PCDHA12: variants seen among roughly 807,000 people sequenced by gnomAD.
PCDHA12 encodes protocadherin alpha-12.
PCDHA12 carries 44 observed loss-of-function variants against 60.0 expected under a neutral mutation model. The observed-to-expected ratio is 0.73, with a 90% CI of 0.58 to 0.94. The LOEUF is 0.94. PCDHA12 is among the 40% of genes least tolerant of loss of function. The probability of loss-of-function intolerance (pLI) is 0.00; values close to 1 mark genes in which losing one functional copy is unlikely to be tolerated. For synonymous variants in PCDHA12, 569 were observed against 553.0 expected, an observed-to-expected ratio of 1.03 and a Z score of -0.40; for missense variants, 1,276 against 1,239.7, an observed-to-expected ratio of 1.03 and a Z score of -0.44.
chr5:140,951,667 C>A (rs180768474), intron 1 of PCDHA12, among the ~76,000 whole-genome samples: 10 of 152,274 alleles, frequency 6.6e-5, no homozygotes, highest in African/African-American at 2.4e-4. Context: ...GGCCTGCCTA[C>A]AAAATTGGGG....
At chr5:140,976,518 A>G (rs2096720750) in intron 1 of PCDHA12, among the ~76,000 whole-genome samples, 1 of 152,070 alleles carries the variant, frequency 6.6e-6, no homozygotes, top group Admixed American at 6.6e-5. Flanking sequence ...GCCACTGCAC[A>G]CCAGCCTAAA....
intron 1 of PCDHA12, chr5:140,884,678 A>T (rs781881057): frequency 1.0e-5 from 16 of 1,553,210 alleles, no homozygotes; most frequent in South Asian, 4.9e-5. Context: ...CTTATATTTT[A>T]AAAAATTGTC....
chr5:140,953,467 C>T (rs952334269), intron 1 of PCDHA12, among the ~76,000 whole-genome samples: 1 of 152,090 alleles, frequency 6.6e-6, no homozygotes, highest in African/African-American at 2.4e-5. Context: ...AGAGTTTTAA[C>T]TTCCTCATGC....
At chr5:140,915,841 G>A (rs1315300132) in intron 1 of PCDHA12, among the ~76,000 whole-genome samples, 1 of 152,098 alleles carries the variant, frequency 6.6e-6, no homozygotes, top group African/African-American at 2.4e-5. Context: ...GATCAGCAGG[G>A]GGTGACACCA....
chr5:140,944,242 C>T (rs969404044), intron 1 of PCDHA12, among the ~76,000 whole-genome samples: 1 of 152,172 alleles, frequency 6.6e-6, no homozygotes, highest in African/African-American at 2.4e-5. Flanking sequence ...GGCTGGAGTG[C>T]AGTGATGTGA....
rs782247870 is a variant in PCDHA12, at chr5:140,876,920, A to G, written c.1448A>G (p.Asp483Gly). ...HIFTVSAWDA[D>G]AQKNALVSYS... ...TTCACGGTGTCGGCATGGGACGCGG[A>G]CGCGCAGAAGAACGCGCTGGTGTCC... The change falls in exon 1 of 4, where the codon GAC becomes GGC. Residue 483 changes from aspartate (D) to glycine (G), a missense_variant. Coordinates refer to ENST00000398631, the MANE Select transcript of PCDHA12 (RefSeq NM_018903.4). 1 of 1,613,928 alleles carries G rather than the reference A, an allele frequency of 6.2e-7. No homozygotes were observed. The highest frequency in any genetic ancestry group is 8.5e-7 in the Non-Finnish European group (1 of 1,179,920).
intron 1 of PCDHA12, among the ~76,000 whole-genome samples, chr5:140,898,180 G>T (rs1216288813): frequency 6.6e-6 from 1 of 152,128 alleles, no homozygotes; most frequent in Non-Finnish European, 1.5e-5. Context: ...CTGTGCAGAA[G>T]CTCTTTAGTT....
chr5:141,001,842 A>G (rs574186951), intron 3 of PCDHA12, among the ~76,000 whole-genome samples: 108 of 152,288 alleles, frequency 7.1e-4, no homozygotes, highest in Non-Finnish European at 1.3e-3. Context: ...GGAGACAGAG[A>G]GAGAGGTTGA....
In PCDHA12 at chr5:140,877,342, G is replaced by A. The variant is rs1462091033; in HGVS notation, c.1870G>A (p.Val624Met). The change falls in exon 1 of 4, where the codon GTG (valine) becomes ATG (methionine). Residue 624 changes from valine (V) to methionine (M), a missense_variant. Physicochemically the swap from Val to Met is conservative, Grantham distance 21. Coordinates refer to ENST00000398631, the MANE Select transcript of PCDHA12 (RefSeq NM_018903.4). ...GGTCGGCGCGCACATCCCGTTCCACGTGGGGCTGTACACTGGCGAGATCAG... is the reference window on the plus strand; with the variant it reads ...GGTCGGCGCGCACATCCCGTTCCACATGGGGCTGTACACTGGCGAGATCAG... The part of the protein sequence containing the change: ...AAVGAHIPFH[V>M]GLYTGEISTT... 5 of 1,613,904 alleles carry A rather than the reference G, an allele frequency of 3.1e-6. No individual in the cohort carries two copies. The African/African-American group carries it at 6.7e-5, about 22-fold the overall frequency.
intron 3 of PCDHA12, among the ~76,000 whole-genome samples, chr5:140,998,827 G>T (rs2097835809): frequency 6.6e-6 from 1 of 152,226 alleles, no homozygotes; most frequent in South Asian, 2.1e-4. Context: ...GCCTCCCAAA[G>T]TGCTGGATTA....
chr5:140,982,582 T>C lies in PCDHA12; in HGVS notation c.2515+19T>C. On this transcript the variant is annotated intron_variant, in intron 3 of 3. Transcript: ENST00000398631. ...ACACCAGGTAAAGAGCTGGGGTCTC[T>C]CCATTCTTTCTTGGTTTCTGGAAAG... 6.2e-7 allele frequency: 1 copy of C among 1,612,148 alleles called. No homozygotes were observed. Among genetic ancestry groups the C allele is most frequent in the Non-Finnish European group, 8.5e-7 (1 of 1,178,720 alleles).
chr5:140,965,374 G>A (rs1554227648), intron 1 of PCDHA12, among the ~76,000 whole-genome samples: 1 of 152,098 alleles, frequency 6.6e-6, no homozygotes, highest in Admixed American at 6.6e-5. Flanking sequence ...AGGAAACTTG[G>A]GGACACAGAA....
In PCDHA12 at chr5:140,877,435, G is replaced by A. The variant is rs1354877569; in HGVS notation, c.1963G>A (p.Gly655Ser). The A allele has an allele frequency of 6.2e-7, 1 of 1,613,736 alleles. No homozygotes were observed. The highest frequency in any genetic ancestry group is 1.3e-5 in the African/African-American group (1 of 74,918). Residue 655 changes from glycine to serine, a missense_variant, in exon 1 of 4, where the codon GGT becomes AGT. Physicochemically the swap from Gly to Ser is moderately conservative, Grantham distance 56. Coordinates refer to ENST00000398631, the MANE Select transcript of PCDHA12 (RefSeq NM_018903.4). ...CCTGCTGGTGCTGGTGAAGGACCAC[G>A]GTGAGCCCGCGCTGACGTCCACGGC... Reference protein sequence around the residue: ...HRLLVLVKDHGEPALTSTATV... With the variant: ...HRLLVLVKDHSEPALTSTATV...
At chr5:140,986,213 C>T (rs1554247816) in intron 3 of PCDHA12, among the ~76,000 whole-genome samples, 2 of 152,208 alleles carry the variant, frequency 1.3e-5, no homozygotes, top group Non-Finnish European at 2.9e-5. Context: ...TTACTGGCCC[C>T]TTTCTCTAGC....
chr5:140,974,661 G>A (rs542677478), intron 1 of PCDHA12, among the ~76,000 whole-genome samples: 4 of 152,066 alleles, frequency 2.6e-5, no homozygotes, highest in South Asian at 4.2e-4. Context: ...ACAGGCATGC[G>A]CCACCATGCC....
intron 3 of PCDHA12, 60 bp from the exon 4 acceptor site, chr5:141,009,567 A>T: frequency 6.3e-7 from 1 of 1,575,430 alleles, no homozygotes; most frequent in Admixed American, 1.8e-5. Flanking sequence ...CTCTACCAGC[A>T]GTGTGGCATC....
At chr5:140,943,070 A>G (rs2093413648) in intron 1 of PCDHA12, among the ~76,000 whole-genome samples, 2 of 152,004 alleles carry the variant, frequency 1.3e-5, no homozygotes, top group Non-Finnish European at 2.9e-5. Context: ...CAGCCTGACC[A>G]ACATGGTGAA....
rs2153592349 is a variant in PCDHA12 at position 140,927,874 on chromosome 5, G to A, written c.2367+50035G>A. 1.9e-6 allele frequency: 3 copies of A among 1,614,102 alleles called. No individual in the cohort carries two copies. The East Asian group carries it at 6.7e-5, about 36-fold the overall frequency. Reference sequence around the variant, plus strand: ...TTTAGCTAGCACCGCTAAACTGCTGGTGGAGGTGACTGACGTGAACGATCA... The same window carrying A: ...TTTAGCTAGCACCGCTAAACTGCTGATGGAGGTGACTGACGTGAACGATCA... On this transcript the variant is annotated intron_variant, in intron 1 of 3. Coordinates refer to ENST00000398631, the MANE Select transcript of PCDHA12 (RefSeq NM_018903.4).
intron 1 of PCDHA12, 53 bp from the exon 2 acceptor site, chr5:140,978,895 TG>T: frequency 6.2e-7 from 1 of 1,612,992 alleles, no homozygotes; most frequent in Non-Finnish European, 8.5e-7. Context: ...GCAGCATTCC[TG>T]GGAGAACATT....
Sources: allele counts gnomAD v4.1 joint callset (sites outside exome capture counted in the v4.1 genomes callset), GRCh38; gene constraint gnomAD v4.1.1; transcripts MANE v1.5; gene names NCBI Gene and HGNC (gene_info 2026-07-23, HGNC 2026-07-21).